The following SH3GL2 variants were observed in gnomAD, a reference collection of about 807,000 sequenced individuals.
SH3GL2 encodes the protein SH3 domain containing GRB2 like 2, endophilin A1.
Under a neutral mutation model 46.0 loss-of-function variants are expected in SH3GL2, and 24 were observed. That is an observed-to-expected ratio of 0.52 (90% CI 0.38 to 0.73). The LOEUF (loss-of-function observed/expected upper bound fraction) is 0.73, where lower values mean the gene tolerates loss of function less well. Ranked by LOEUF, SH3GL2 falls within the 30% of genes least tolerant of loss-of-function variation. SH3GL2 has a pLI of 0.00. For synonymous variants in SH3GL2, 196 were observed against 147.1 expected (o/e 1.33, Z -2.40); for missense variants, 413 against 424.2 (o/e 0.97, Z 0.23).
At chr9:17,643,205 A>G (rs1412482716) in intron 1 of SH3GL2, among the ~76,000 whole-genome samples, 2 of 152,128 alleles carry the variant, frequency 1.3e-5, no homozygotes, top group African/African-American at 4.8e-5. Context: ...TTTTTGGTGT[A>G]TAGGAAAGCT....
chr9:17,641,080 T>G (rs1307684480), intron 1 of SH3GL2, among the ~76,000 whole-genome samples: 2 of 152,208 alleles, frequency 1.3e-5, no homozygotes, highest in African/African-American at 4.8e-5. Flanking sequence ...TGAGTTTATT[T>G]TAAAAAGTTA....
chr9:17,698,405 A>G (rs1232057001), intron 1 of SH3GL2, among the ~76,000 whole-genome samples: 3 of 152,206 alleles, frequency 2.0e-5, no homozygotes, highest in Non-Finnish European at 4.4e-5. Context: ...AGAGTGCCTG[A>G]TGGATGGATA....
chr9:17,735,963 G>C (rs1282255435), intron 1 of SH3GL2, among the ~76,000 whole-genome samples: 1 of 152,124 alleles, frequency 6.6e-6, no homozygotes, highest in Non-Finnish European at 1.5e-5. Flanking sequence ...CCAGGAATTT[G>C]TGTGATAGGG....
chr9:17,776,874 G>A (rs1823655292), intron 3 of SH3GL2, among the ~76,000 whole-genome samples: 2 of 152,100 alleles, frequency 1.3e-5, no homozygotes, highest in African/African-American at 4.8e-5. Context: ...AGCTACCAGT[G>A]TGACATCACT....
In SH3GL2 at chr9:17,614,295, GAAAAAA is replaced by G. The variant is rs3084628; in HGVS notation, c.45+35031_45+35036del. 1.6e-3 allele frequency among the ~76,000 whole-genome samples: 111 copies of G among 70,302 alleles called. 1 individual carries two copies. The highest frequency in any genetic ancestry group is 6.0e-3 in the African/African-American group (104 of 17,372). The allele number at this position is 70,302 out of a possible 152,430, so 46.1% of individuals were successfully genotyped here. ...GTGACAGGGAACATGCATGGTTTCT[GAAAAAA>G]AAAAAAAAAAAAAAAAAAAAAATCC... On this transcript the variant is annotated intron_variant, in intron 1 of 8. Coordinates refer to ENST00000380607, the MANE Select transcript of SH3GL2 (RefSeq NM_003026.5).
intron 3 of SH3GL2, among the ~76,000 whole-genome samples, chr9:17,771,252 G>T (rs141455681): frequency 1.3e-5 from 2 of 152,270 alleles, no homozygotes; most frequent in African/African-American, 4.8e-5. Flanking sequence ...GAGGTCTCCT[G>T]AACCCCCCAG....
chr9:17,789,673 ATAGT>A lies in SH3GL2; in HGVS notation c.624+126_624+129del, dbSNP rs1239997174. On this transcript the variant is annotated intron_variant, in intron 6 of 8. Transcript: ENST00000380607. ...CACTATGTGATAAGAACTTCAGTAGATAGTTATTTATTTTAAATAATTGTCAGTC... is the reference window on the plus strand; with the variant it reads ...CACTATGTGATAAGAACTTCAGTAGATATTTATTTTAAATAATTGTCAGTC... The A allele has an allele frequency of 6.2e-5, 90 of 1,444,192 alleles. No homozygotes were observed. In the African/African-American group the frequency reaches 7.5e-4, roughly 12 times the overall value. The allele number at this position is 1,444,192 out of a possible 1,614,324, so 89.5% of individuals were successfully genotyped here.
chr9:17,671,619 T>A (rs947516057), intron 1 of SH3GL2, among the ~76,000 whole-genome samples: 3 of 152,118 alleles, frequency 2.0e-5, no homozygotes, highest in African/African-American at 7.2e-5. Flanking sequence ...CCATCTATTA[T>A]GTACCTACAA....
chr9:17,623,300 G>A (rs1280401772), intron 1 of SH3GL2, among the ~76,000 whole-genome samples: 1 of 151,980 alleles, frequency 6.6e-6, no homozygotes, highest in Non-Finnish European at 1.5e-5. Context: ...CATAGGAGGA[G>A]CTTGTGGGAA....
At chr9:17,701,788 AT>A (rs1017318010) in intron 1 of SH3GL2, among the ~76,000 whole-genome samples, 1 of 152,022 alleles carries the variant, frequency 6.6e-6, no homozygotes, top group African/African-American at 2.4e-5. Context: ...CACATGTATG[AT>A]TTTTCCTAGA....
chr9:17,610,889 T>A (rs1818850546), intron 1 of SH3GL2, among the ~76,000 whole-genome samples: 1 of 152,164 alleles, frequency 6.6e-6, no homozygotes, highest in Non-Finnish European at 1.5e-5. Flanking sequence ...AGTAATCTCG[T>A]TTTTAAGGTT....
intron 1 of SH3GL2, among the ~76,000 whole-genome samples, chr9:17,615,082 G>T (rs143045725): frequency 6.6e-6 from 1 of 152,120 alleles, no homozygotes; most frequent in African/African-American, 2.4e-5. Context: ...TGGACACTTG[G>T]GCTGTGTGCT....
At chr9:17,742,882 T>C (rs1822569064) in intron 1 of SH3GL2, among the ~76,000 whole-genome samples, 1 of 152,144 alleles carries the variant, frequency 6.6e-6, no homozygotes, top group Non-Finnish European at 1.5e-5. Context: ...GGGGGACATA[T>C]TGGTTCACTT....
Position 17,628,565 on chromosome 9 carries a change from G to C in SH3GL2, c.45+49278G>C, listed in dbSNP as rs963451824. On this transcript the variant is annotated intron_variant, in intron 1 of 8. Transcript: ENST00000380607. ...TTTTGATTTAAAGATCTTAAGGTAA[G>C]AGAAGTAGAGTTAACAGCATACATT... is the stretch of plus-strand genomic sequence containing the variant. Among the ~76,000 whole-genome samples the C allele has an allele frequency of 5.9e-5, 9 of 152,282 alleles. No individual in the cohort carries two copies. The South Asian group carries it at 8.3e-4, about 14-fold the overall frequency.
chr9:17,781,671 A>G (rs1477818051), intron 3 of SH3GL2, among the ~76,000 whole-genome samples: 2 of 152,114 alleles, frequency 1.3e-5, no homozygotes, highest in African/African-American at 4.8e-5. Flanking sequence ...TTATCCTCCT[A>G]CCAGCAGTAT....
At chr9:17,790,737 A>G (rs896975367) in intron 6 of SH3GL2, among the ~76,000 whole-genome samples, 12 of 152,232 alleles carry the variant, frequency 7.9e-5, no homozygotes, top group African/African-American at 1.9e-4. Context: ...ACCCTTTTAC[A>G]TTACAGATGA....
intron 8 of SH3GL2, 131 bp downstream of exon 8, chr9:17,793,628 T>C (rs1824195922): frequency 2.4e-6 from 2 of 820,500 alleles, no homozygotes; most frequent in African/African-American, 1.8e-5. Context: ...ATGGAGTCAG[T>C]TGTCAGGTAG....
chr9:17,583,244 G>C (rs1481771934), intron 1 of SH3GL2, among the ~76,000 whole-genome samples: 4 of 152,104 alleles, frequency 2.6e-5, no homozygotes, highest in African/African-American at 9.7e-5. Flanking sequence ...TTTTTAATGA[G>C]TTGGTTAGTA....
chr9:17,737,926 GCTTA>G (rs2118469335), intron 1 of SH3GL2, among the ~76,000 whole-genome samples: 1 of 152,096 alleles, frequency 6.6e-6, no homozygotes, highest in South Asian at 2.1e-4. Flanking sequence ...TGTTCATCTG[GCTTA>G]CTTACTCCTT....
Sources: gnomAD v4.1 joint callset for allele counts (sites outside exome capture counted in the v4.1 genomes callset) on GRCh38, gnomAD v4.1.1 for gene constraint, MANE v1.5 for transcripts, NCBI Gene and HGNC (gene_info 2026-07-23, HGNC 2026-07-21) for gene names.